Variants in DTNB observed in about 807,000 individuals in gnomAD.
DTNB encodes the protein dystrobrevin beta.
DTNB carries 63 observed loss-of-function variants against 90.7 expected under a neutral mutation model. The observed-to-expected ratio is 0.69, with a 90% CI of 0.57 to 0.86. DTNB has a LOEUF of 0.86. Among genes scored for constraint, DTNB ranks in the 40% least tolerant of loss-of-function variants. The probability of loss-of-function intolerance (pLI) is 0.00; values close to 1 mark genes in which losing one functional copy is unlikely to be tolerated. For missense variants in DTNB, 744 were observed against 807.1 expected, an observed-to-expected ratio of 0.92 and a Z score of 0.95; for synonymous variants, 277 against 286.7, an observed-to-expected ratio of 0.97 and a Z score of 0.34.
chr2:25,599,402 T>C (rs2065348286), intron 5 of DTNB, among the ~76,000 whole-genome samples: 1 of 151,672 alleles, frequency 6.6e-6, no homozygotes, highest in Non-Finnish European at 1.5e-5. Context: ...AGTGCAGTGG[T>C]GTGATCTTGG....
chr2:25,579,957 G>A (rs543903465), intron 7 of DTNB, among the ~76,000 whole-genome samples: 1 of 145,802 alleles, frequency 6.9e-6, no homozygotes, highest in Non-Finnish European at 1.5e-5. Context: ...GATCTGATAT[G>A]ACTACTATAG....
At chr2:25,460,329 A>C (rs1338460965) in intron 10 of DTNB, among the ~76,000 whole-genome samples, 1 of 152,188 alleles carries the variant, frequency 6.6e-6, no homozygotes, top group Non-Finnish European at 1.5e-5. Context: ...ATCCAAGCGA[A>C]GGTACTCATC....
rs1263601768 is a variant in DTNB at position 25,531,537 on chromosome 2, T to C, written c.937A>G (p.Arg313Gly). Residue 313 changes from arginine to glycine, a missense_variant, in exon 9 of 21, where the codon AGA becomes GGA. Physicochemically the swap from Arg to Gly is moderately radical, Grantham distance 125. Coordinates refer to ENST00000406818, the MANE Select transcript of DTNB (RefSeq NM_021907.5). ...GGAAAAACAGGATGCGGGGGTTCTCTCGTGGGTACACACCCCAAAGATTTA... is the reference window on the plus strand; with the variant it reads ...GGAAAAACAGGATGCGGGGGTTCTCCCGTGGGTACACACCCCAAAGATTTA... Reference protein sequence around the residue: ...ISKSLGCVPTREPPHPVFPEQ... With the variant: ...ISKSLGCVPTGEPPHPVFPEQ... 1 of 1,613,974 alleles carries C rather than the reference T, an allele frequency of 6.2e-7. No individual in the cohort carries two copies. The highest frequency in any genetic ancestry group is 8.5e-7 in the Non-Finnish European group (1 of 1,179,870).
chr2:25,451,643 G>A lies in DTNB; in HGVS notation c.1170-8C>T. The A allele has an allele frequency of 6.4e-7, 1 of 1,570,266 alleles. No homozygotes were observed. Among genetic ancestry groups the A allele is most frequent in the South Asian group, 1.2e-5 (1 of 84,362 alleles). On this transcript the variant is annotated splice_region_variant and splice_polypyrimidine_tract_variant and intron_variant, in intron 11 of 20. Coordinates refer to ENST00000406818, the MANE Select transcript of DTNB (RefSeq NM_021907.5). Reference sequence around the variant, plus strand: ...CTAGGACTGTCCAGAACACTGCCAAGGAAATAAAAATGCAACAAGTGTCTA... The same window carrying A: ...CTAGGACTGTCCAGAACACTGCCAAAGAAATAAAAATGCAACAAGTGTCTA...
chr2:25,670,150 C>A (rs1415348530), intron 1 of DTNB, among the ~76,000 whole-genome samples: 1 of 152,052 alleles, frequency 6.6e-6, no homozygotes, highest in Non-Finnish European at 1.5e-5. Context: ...TCCTGTGTTC[C>A]AACATGAAAA....
chr2:25,603,716 A>G (rs542836156), intron 5 of DTNB, among the ~76,000 whole-genome samples: 1 of 152,342 alleles, frequency 6.6e-6, no homozygotes, highest in East Asian at 1.9e-4. Flanking sequence ...AAAACTTAAT[A>G]TAACAGGAGC....
At chr2:25,408,934 T>A (rs1378734303) in intron 16 of DTNB, among the ~76,000 whole-genome samples, 1 of 152,118 alleles carries the variant, frequency 6.6e-6, no homozygotes, top group Non-Finnish European at 1.5e-5. Context: ...AACAATCCCA[T>A]GCTGAAAGAA....
chr2:25,418,427 G>A (rs1010381031), intron 16 of DTNB, among the ~76,000 whole-genome samples: 6 of 152,150 alleles, frequency 3.9e-5, no homozygotes, highest in South Asian at 2.1e-4. Flanking sequence ...TAGGCTGGGC[G>A]TGGTGGCTCA....
intron 8 of DTNB, among the ~76,000 whole-genome samples, chr2:25,553,093 C>T (rs1379153403): frequency 6.6e-6 from 1 of 151,616 alleles, no homozygotes; most frequent in African/African-American, 2.4e-5. Flanking sequence ...ATCTCCTGAC[C>T]TCATGATCCA....
intron 2 of DTNB, among the ~76,000 whole-genome samples, chr2:25,644,391 A>C (rs1386251745): frequency 1.3e-5 from 2 of 152,188 alleles, no homozygotes; most frequent in Non-Finnish European, 2.9e-5. Context: ...GGGAGAAGAG[A>C]TATAGAGCTA....
At chr2:25,635,408 T>C (rs967031584) in intron 3 of DTNB, among the ~76,000 whole-genome samples, 3 of 152,004 alleles carry the variant, frequency 2.0e-5, no homozygotes, top group Admixed American at 6.6e-5. Context: ...GCCTGAGCGA[T>C]AGAGCGACTC....
At chr2:25,436,296 C>T (rs576897624) in intron 12 of DTNB, among the ~76,000 whole-genome samples, 164 of 151,940 alleles carry the variant, frequency 1.1e-3, no homozygotes, top group African/African-American at 3.6e-3. Flanking sequence ...GATTGTGCCA[C>T]TGCACTCCAG....
chr2:25,526,389 A>T (rs1479661743), intron 9 of DTNB, among the ~76,000 whole-genome samples: 96 of 58,762 alleles, frequency 1.6e-3, no homozygotes, highest in African/African-American at 6.2e-3. Flanking sequence ...ATATATATAT[A>T]TATATATTTT....
At chr2:25,412,008 G>A (rs1008628295) in intron 16 of DTNB, among the ~76,000 whole-genome samples, 1 of 152,190 alleles carries the variant, frequency 6.6e-6, no homozygotes, top group Non-Finnish European at 1.5e-5. Context: ...CGTGACCCAT[G>A]AGGCATGCTA....
rs1190860981 is a variant in DTNB, at chr2:25,387,723, A to C, written c.1736-345T>G. Reference sequence around the variant, plus strand: ...TGTACTCTCCACAACCACCACTACCACCTCCCCTTCTCACCTCCAGCCCCA... The same window carrying C: ...TGTACTCTCCACAACCACCACTACCCCCTCCCCTTCTCACCTCCAGCCCCA... On this transcript the variant is annotated intron_variant, in intron 17 of 20. Coordinates refer to ENST00000406818, the MANE Select transcript of DTNB (RefSeq NM_021907.5). The surrounding 1 kb of genome is among the most constrained non-coding windows in gnomAD (Gnocchi z 4.5). Among the ~76,000 whole-genome samples, 1 of 151,040 alleles carries C rather than the reference A, an allele frequency of 6.6e-6. No individual in the cohort carries two copies. The highest frequency in any genetic ancestry group is 1.5e-5 in the Non-Finnish European group (1 of 67,742).
intron 16 of DTNB, among the ~76,000 whole-genome samples, chr2:25,395,964 C>G (rs1244342276): frequency 6.6e-6 from 1 of 152,190 alleles, no homozygotes; most frequent in African/African-American, 2.4e-5. Flanking sequence ...CCCTCCCTCC[C>G]TCCTGAAGAC....
At chr2:25,495,655 T>C (rs555782250) in intron 9 of DTNB, among the ~76,000 whole-genome samples, 86 of 152,304 alleles carry the variant, frequency 5.6e-4, no homozygotes, top group African/African-American at 1.9e-3. Context: ...TCTTTGTCTA[T>C]CTCTATGTAA....
intron 14 of DTNB, among the ~76,000 whole-genome samples, chr2:25,428,304 A>G (rs1313528394): frequency 2.0e-5 from 3 of 152,114 alleles, no homozygotes; most frequent in Non-Finnish European, 4.4e-5. Context: ...TATTCAATCA[A>G]TAACTCAATT....
At chr2:25,504,318 A>T (rs2071694432) in intron 9 of DTNB, among the ~76,000 whole-genome samples, 1 of 150,314 alleles carries the variant, frequency 6.7e-6, no homozygotes, top group Non-Finnish European at 1.5e-5. Context: ...GAAAGAAAGA[A>T]GGGAAGAAAG....
Sources: allele counts gnomAD v4.1 joint callset (sites outside exome capture counted in the v4.1 genomes callset), GRCh38; gene constraint gnomAD v4.1.1; non-coding constraint Gnocchi (gnomAD v3.1); transcripts MANE v1.5; gene names NCBI Gene and HGNC (gene_info 2026-07-23, HGNC 2026-07-21).